Variants in RBL1 observed in about 807,000 individuals in gnomAD.
The protein encoded by RBL1 is retinoblastoma-like protein 1.
In RBL1, 82 loss-of-function variants were observed where a neutral mutation model predicts 123.0. The observed-to-expected ratio is 0.67, with a 90% confidence interval of 0.56 to 0.80. The LOEUF (loss-of-function observed/expected upper bound fraction) is 0.80. RBL1 is among the 30% of genes least tolerant of loss of function. The probability of loss-of-function intolerance (pLI) is 0.00; values close to 1 mark genes in which losing one functional copy is unlikely to be tolerated. For synonymous variants in RBL1, 405 were observed against 441.3 expected (o/e 0.92, Z 1.03); for missense variants, 1,171 against 1,299.6 (o/e 0.90, Z 1.52).
rs1461619154 is a variant in RBL1, at chr20:37,067,042, A to G, written c.636T>C (p.Asn212=). Residue 212 remains asparagine, a synonymous_variant, in exon 5 of 22, where the codon AAT becomes AAC. Transcript: ENST00000373664. ...CTTGTCTATTTGGGCACATAATCGC[A>G]TTGGCAAAAATCAGATCCAAGCAGC... The part of the protein sequence containing the change: ...LLCCLDLIFA[N]AIMCPNRQDL... The G allele has an allele frequency of 6.2e-7, 1 of 1,611,444 alleles. No individual in the cohort carries two copies. The highest frequency in any genetic ancestry group is 8.5e-7 in the Non-Finnish European group (1 of 1,177,910).
intron 18 of RBL1, 35 bp from the exon 19 acceptor site, chr20:37,018,404 T>A: frequency 6.3e-7 from 1 of 1,577,158 alleles, no homozygotes; most frequent in Non-Finnish European, 8.6e-7. Flanking sequence ...GACAGCTCAG[T>A]CACAGAGGTA....
chr20:37,094,661 T>C (rs956909607), intron 1 of RBL1, among the ~76,000 whole-genome samples: 5 of 152,300 alleles, frequency 3.3e-5, no homozygotes, highest in Non-Finnish European at 7.4e-5. Flanking sequence ...TGTTTTTAGA[T>C]AGAGTCTTGC....
intron 19 of RBL1, among the ~76,000 whole-genome samples, chr20:37,012,396 C>T (rs939677948): frequency 3.7e-4 from 56 of 151,438 alleles, no homozygotes; most frequent in Non-Finnish European, 7.4e-4. Context: ...TCTGCCCGGC[C>T]GCCATCCCAT....
At chr20:37,089,144 G>A in intron 1 of RBL1, 22 bp from the exon 2 acceptor site, 2 of 1,576,730 alleles carry the variant, frequency 1.3e-6, no homozygotes, top group Non-Finnish European at 1.7e-6. Context: ...AAGACAAACA[G>A]CAAAACAGGT....
intron 19 of RBL1, among the ~76,000 whole-genome samples, chr20:37,017,733 C>T (rs952565381): frequency 1.3e-5 from 2 of 151,938 alleles, no homozygotes; most frequent in South Asian, 2.1e-4. Context: ...TGGTTTCAAG[C>T]GATTCTCCTG....
intron 2 of RBL1, among the ~76,000 whole-genome samples, chr20:37,086,763 T>C (rs1163816607): frequency 6.6e-6 from 1 of 152,178 alleles, no homozygotes; most frequent in Admixed American, 6.6e-5. Context: ...AATAATTCTA[T>C]ATGCTTGATA....
chr20:37,085,515 G>A (rs781195701), intron 2 of RBL1, among the ~76,000 whole-genome samples: 3 of 152,018 alleles, frequency 2.0e-5, no homozygotes, highest in African/African-American at 4.8e-5. Flanking sequence ...GTGTGTGTGC[G>A]TGGTAAAACA....
rs532688606 is a variant in RBL1 at position 37,061,984 on chromosome 20, A to C, written c.1083+100T>G. ...CATGAGAAATATGAATTAGTAGAAG[A>C]AGCTCAAGATTTAACTTGAAAGATG... On this transcript the variant is annotated intron_variant, in intron 8 of 21. Coordinates refer to ENST00000373664, the MANE Select transcript of RBL1 (RefSeq NM_002895.5). 29 of 1,295,300 alleles carry C rather than the reference A, an allele frequency of 2.2e-5. 1 individual carries two copies. The East Asian group carries it at 3.4e-4, about 15-fold the overall frequency. 80.2% of individuals were successfully genotyped at this position (1,295,300 alleles called of 1,614,324 possible). A position where few individuals can be genotyped will look rare whatever the true frequency, so the allele number is the denominator to read the frequency against.
intron 11 of RBL1, among the ~76,000 whole-genome samples, chr20:37,055,212 C>T (rs1048765607): frequency 3.4e-5 from 5 of 148,776 alleles, no homozygotes; most frequent in African/African-American, 1.2e-4. Flanking sequence ...AAACCCATAC[C>T]ATTTTATAAT....
At chr20:37,025,772 T>C (rs2064409419) in intron 16 of RBL1, among the ~76,000 whole-genome samples, 1 of 149,432 alleles carries the variant, frequency 6.7e-6, no homozygotes, top group Admixed American at 6.7e-5. Flanking sequence ...AGATGGAGTC[T>C]TGCTCTGTCA....
intron 11 of RBL1, chr20:37,049,383 A>G (rs2064868588): frequency 1.4e-6 from 1 of 725,154 alleles, no homozygotes; most frequent in Admixed American, 1.9e-5. Context: ...GCAAAGACTA[A>G]TATTTGCTGG....
chr20:37,070,483 T>TAA (rs1156767825), intron 2 of RBL1, among the ~76,000 whole-genome samples: 1 of 146,358 alleles, frequency 6.8e-6, no homozygotes, highest in Non-Finnish European at 1.5e-5. Flanking sequence ...TAAATAAATT[T>TAA]AAAAAAAAAA....
chr20:37,093,881 T>A (rs1189562929), intron 1 of RBL1, among the ~76,000 whole-genome samples: 5 of 152,038 alleles, frequency 3.3e-5, no homozygotes, highest in Non-Finnish European at 5.9e-5. Flanking sequence ...CCTAAGGTGA[T>A]CTGCCCACCT....
chr20:37,001,746 T>A (rs1600433682), intron 21 of RBL1, among the ~76,000 whole-genome samples: 1 of 111,988 alleles, frequency 8.9e-6, no homozygotes, highest in Non-Finnish European at 1.8e-5. Flanking sequence ...CACCCAAGAA[T>A]GATCAATAAA....
intron 1 of RBL1, among the ~76,000 whole-genome samples, chr20:37,092,929 G>A (rs1034549755): frequency 2.6e-5 from 4 of 151,766 alleles, no homozygotes; most frequent in Non-Finnish European, 5.9e-5. Flanking sequence ...CATTTCTAAG[G>A]CCTACTTGCC....
At chr20:37,069,975 A>C (rs892424887) in intron 2 of RBL1, among the ~76,000 whole-genome samples, 3 of 152,222 alleles carry the variant, frequency 2.0e-5, no homozygotes, top group Admixed American at 6.5e-5. Context: ...GGTGTGCCCA[A>C]CAGCTCATTG....
Position 37,065,457 on chromosome 20 carries a change from C to A in RBL1, c.863G>T (p.Cys288Phe). 1 of 1,596,964 alleles carries A rather than the reference C, an allele frequency of 6.3e-7. No individual in the cohort carries two copies. Among genetic ancestry groups the A allele is most frequent in the Non-Finnish European group, 8.6e-7 (1 of 1,168,566 alleles). The change falls in exon 7 of 22, where the codon TGC becomes TTC. Residue 288 changes from cysteine to phenylalanine, a missense_variant. Cys to Phe is a radical substitution (Grantham distance 205, BLOSUM62 -2). Coordinates refer to ENST00000373664, the MANE Select transcript of RBL1 (RefSeq NM_002895.5). ...LFDRKILKGE[C>F]LLDLSSFTDN... ...AGTAAAACTTGAAAGGTCCAGGAGG[C>A]ATTCTCCTTTTAATATCTGTGAACA...
At chr20:37,013,854 T>C (rs1326067086) in intron 19 of RBL1, among the ~76,000 whole-genome samples, 1 of 152,146 alleles carries the variant, frequency 6.6e-6, no homozygotes, top group East Asian at 1.9e-4. Flanking sequence ...AACTGGGATA[T>C]ATGAACTTAC....
chr20:37,090,040 A>G (rs946271068), intron 1 of RBL1, among the ~76,000 whole-genome samples: 4 of 152,180 alleles, frequency 2.6e-5, no homozygotes, highest in African/African-American at 4.8e-5. Flanking sequence ...CAACACAGGG[A>G]CACTCTGTCA....
Sources: allele counts gnomAD v4.1 joint callset (sites outside exome capture counted in the v4.1 genomes callset), GRCh38; gene constraint gnomAD v4.1.1; transcripts MANE v1.5; gene names NCBI Gene and HGNC (gene_info 2026-07-23, HGNC 2026-07-21).